The following SRGAP3 variants were observed in gnomAD, a reference collection of about 807,000 sequenced individuals.
SRGAP3 encodes SLIT-ROBO Rho GTPase activating protein 3, also known as SLIT-ROBO Rho GTPase-activating protein 3.
A neutral mutation model predicts 121.1 loss-of-function variants in SRGAP3; 39 were observed. The observed-to-expected ratio is 0.32, with a 90% CI of 0.25 to 0.42. The LOEUF is 0.42. Ranked by LOEUF, SRGAP3 falls within the 10% of genes least tolerant of loss-of-function variation. The pLI is 1.00. For synonymous variants in SRGAP3, 601 were observed against 570.0 expected, an observed-to-expected ratio of 1.05 and a Z score of -0.77; for missense variants, 1,213 against 1,470.6, an observed-to-expected ratio of 0.82 and a Z score of 2.86.
intron 3 of SRGAP3, among the ~76,000 whole-genome samples, chr3:9,102,030 C>T (rs1575076293): frequency 6.6e-6 from 1 of 152,232 alleles, no homozygotes; most frequent in Non-Finnish European, 1.5e-5. Flanking sequence ...TGCCCAGGCC[C>T]AAGCCAGAAG....
intron 1 of SRGAP3, among the ~76,000 whole-genome samples, chr3:9,243,648 AAG>A (rs533435777): frequency 9.4e-5 from 14 of 149,326 alleles, no homozygotes; most frequent in South Asian, 4.3e-4. Context: ...AAAAAAAAAA[AAG>A]AGAGAGAGAG....
intron 3 of SRGAP3, among the ~76,000 whole-genome samples, chr3:9,101,643 A>G (rs1218439278): frequency 6.6e-6 from 1 of 152,192 alleles, no homozygotes; most frequent in East Asian, 1.9e-4. Context: ...AGAGTTGCCG[A>G]AAGAGTTGCA....
intron 1 of SRGAP3, among the ~76,000 whole-genome samples, chr3:9,245,792 C>T (rs1309476973): frequency 6.6e-6 from 1 of 152,088 alleles, no homozygotes; most frequent in African/African-American, 2.4e-5. Context: ...CATGTGGTGG[C>T]ACGTGCCTGT....
At chr3:9,104,609 G>A in intron 3 of SRGAP3, 71 bp downstream of exon 3, 1 of 1,592,426 alleles carries the variant, frequency 6.3e-7, no homozygotes, top group Non-Finnish European at 8.6e-7. Flanking sequence ...TCCCACCCTG[G>A]CTGGTATACT....
chr3:9,134,810 T>A (rs377505886), intron 1 of SRGAP3, among the ~76,000 whole-genome samples: 16 of 152,116 alleles, frequency 1.1e-4, no homozygotes, highest in African/African-American at 3.9e-4. Flanking sequence ...GACCCTGACC[T>A]CAGGCCCTCC....
At chr3:9,086,632 T>TATAC (rs1947492534) in intron 3 of SRGAP3, among the ~76,000 whole-genome samples, 1 of 141,428 alleles carries the variant, frequency 7.1e-6, no homozygotes. Context: ...TACACATATA[T>TATAC]ACACCCACAT....
chr3:9,269,806 T>C (rs1185367595), intron 3 of SRGAP3, among the ~76,000 whole-genome samples: 2 of 151,890 alleles, frequency 1.3e-5, no homozygotes, highest in African/African-American at 4.8e-5. Flanking sequence ...TTACCTGTCA[T>C]GGCATAGTAA....
chr3:9,042,175 A>G (rs539887530), intron 10 of SRGAP3, among the ~76,000 whole-genome samples: 1 of 152,212 alleles, frequency 6.6e-6, no homozygotes, highest in East Asian at 1.9e-4. Flanking sequence ...TTGACCTAAT[A>G]TCAAAAAGAT....
chr3:9,166,186 G>A (rs1950779173), intron 1 of SRGAP3, among the ~76,000 whole-genome samples: 1 of 152,034 alleles, frequency 6.6e-6, no homozygotes, highest in African/African-American at 2.4e-5. Context: ...CTTCCTCCTT[G>A]GAAGACCACA....
At chr3:9,141,035 A>G (rs1280555998) in intron 1 of SRGAP3, among the ~76,000 whole-genome samples, 1 of 152,228 alleles carries the variant, frequency 6.6e-6, no homozygotes, top group Non-Finnish European at 1.5e-5. Flanking sequence ...AAATATATCC[A>G]GATTCATTTT....
At position 9,154,944 on chromosome 3, in the gene SRGAP3, A is replaced by T. The variant is rs143040441; in HGVS notation, c.68-30027T>A. 1.6e-3 allele frequency among the ~76,000 whole-genome samples: 240 copies of T among 151,268 alleles called. 1 individual carries two copies. The highest frequency in any genetic ancestry group is 5.6e-3 in the African/African-American group (230 of 41,214). ...TAATCAATGGTTATATAAATTTGCA[A>T]CCAACATATTTCATCAATCTCCAGG... On this transcript the variant is annotated intron_variant, in intron 1 of 21. Transcript: ENST00000383836.
In SRGAP3 at chr3:9,298,330, C is replaced by T. The variant is rs543055738; in HGVS notation, n.442+27680G>A. Among the ~76,000 whole-genome samples, 7 of 152,266 alleles carry T rather than the reference C, an allele frequency of 4.6e-5. No individual in the cohort carries two copies. In the South Asian group the frequency reaches 1.0e-3, roughly 23 times the overall value. ...AAACATAATTACTCTGGTCTTTCCA[C>T]AGTAACAGAAGGAAAAAGAGAAGCT... On this transcript the variant is annotated intron_variant and non_coding_transcript_variant, in intron 3 of 3. Transcript: ENST00000490889.
At chr3:9,016,927 A>G (rs182495387) in intron 14 of SRGAP3, among the ~76,000 whole-genome samples, 3 of 152,254 alleles carry the variant, frequency 2.0e-5, no homozygotes, top group Admixed American at 6.5e-5. Context: ...CATTACCATC[A>G]CTATTTTTTA....
intron 1 of SRGAP3, among the ~76,000 whole-genome samples, chr3:9,135,209 G>A (rs1949600311): frequency 6.6e-6 from 1 of 152,196 alleles, no homozygotes; most frequent in African/African-American, 2.4e-5. Flanking sequence ...ACAGCACTGC[G>A]TCAGAGGCTT....
At chr3:9,283,474 A>G (rs755426879) in intron 3 of SRGAP3, among the ~76,000 whole-genome samples, 5 of 152,232 alleles carry the variant, frequency 3.3e-5, no homozygotes, top group Non-Finnish European at 5.9e-5. Flanking sequence ...ATTCACTAAC[A>G]TCACCACCAA....
intron 1 of SRGAP3, among the ~76,000 whole-genome samples, chr3:9,356,192 CTTTTTTTTTT>C (rs929664300): frequency 8.2e-6 from 1 of 122,300 alleles, no homozygotes; most frequent in Non-Finnish European, 1.8e-5. Flanking sequence ...ACTTTTTTTT[CTTTTTTTTTT>C]TTTTTTTTTG....
intron 1 of SRGAP3, among the ~76,000 whole-genome samples, chr3:9,174,567 C>T: frequency 6.6e-6 from 1 of 152,198 alleles, no homozygotes; most frequent in Non-Finnish European, 1.5e-5. Flanking sequence ...GCAGGTGCTG[C>T]ACTGAAGGCG....
At chr3:9,060,659 G>A (rs950997263) in intron 5 of SRGAP3, among the ~76,000 whole-genome samples, 2 of 151,978 alleles carry the variant, frequency 1.3e-5, no homozygotes, top group Non-Finnish European at 2.9e-5. Context: ...AGGCTGATCT[G>A]GAACTCCTGG....
intron 1 of SRGAP3, chr3:9,348,294 G>A (rs1488363496): frequency 5.5e-6 from 2 of 363,852 alleles, no homozygotes; most frequent in East Asian, 6.4e-5. Flanking sequence ...CAATGACTAA[G>A]GAAGAGAGAA....
Sources: gnomAD v4.1 joint callset for allele counts (sites outside exome capture counted in the v4.1 genomes callset) on GRCh38, gnomAD v4.1.1 for gene constraint, MANE v1.5 for transcripts, NCBI Gene and HGNC (gene_info 2026-07-23, HGNC 2026-07-21) for gene names.